CUL5: variants seen among roughly 807,000 people sequenced by gnomAD.
CUL5 encodes the protein cullin-5.
Under a neutral mutation model 108.8 loss-of-function variants are expected in CUL5, and 26 were observed. The ratio of observed to expected loss-of-function variants is 0.24; its 90% CI spans 0.18 to 0.33. CUL5 has a LOEUF of 0.33. Ranked by LOEUF, CUL5 falls within the 10% of genes least tolerant of loss-of-function variation. The pLI is 1.00. For missense variants in CUL5, 524 were observed against 909.2 expected (o/e 0.58, Z 5.45); for synonymous variants, 334 against 298.0 (o/e 1.12, Z -1.25).
intron 2 of CUL5, among the ~76,000 whole-genome samples, chr11:108,045,706 T>A (rs539915133): frequency 1.1e-4 from 17 of 151,246 alleles, no homozygotes; most frequent in Non-Finnish European, 1.8e-4. Context: ...CAACAAAATT[T>A]AAAAAAAAAT....
chr11:108,059,325 T>G (rs928577793), intron 7 of CUL5, among the ~76,000 whole-genome samples: 1 of 152,182 alleles, frequency 6.6e-6, no homozygotes, highest in Non-Finnish European at 1.5e-5. Context: ...GATAATAAGA[T>G]AGACCTAGTC....
intron 1 of CUL5, among the ~76,000 whole-genome samples, chr11:108,026,421 G>A (rs1402799823): frequency 1.3e-5 from 2 of 151,988 alleles, no homozygotes; most frequent in Non-Finnish European, 2.9e-5. Flanking sequence ...AGACATTGTC[G>A]TTATTTCCAC....
intron 1 of CUL5, among the ~76,000 whole-genome samples, chr11:108,014,762 A>G (rs1014198736): frequency 1.3e-5 from 2 of 152,196 alleles, no homozygotes; most frequent in Non-Finnish European, 2.9e-5. Flanking sequence ...CCCTTGTATA[A>G]TTTACATTTT....
At chr11:108,028,244 G>C (rs914912861) in intron 1 of CUL5, among the ~76,000 whole-genome samples, 3 of 152,112 alleles carry the variant, frequency 2.0e-5, no homozygotes, top group African/African-American at 7.2e-5. Context: ...TCCTTAATAA[G>C]CCTGTCAAAT....
In CUL5 at chr11:108,105,806, T is replaced by C. The variant is rs1286734628; in HGVS notation, c.*1422T>C. On this transcript the variant is annotated 3_prime_UTR_variant, in exon 19 of 19. Transcript: ENST00000393094. ...TATCTTATTTGATGTTAAGTAATAT[T>C]TTTAAAGTATGGTTTTTGAAGATAG... The C allele has an allele frequency of 1.3e-5, 2 of 152,182 alleles. No homozygotes were observed. The highest frequency in any genetic ancestry group is 2.9e-5 in the Non-Finnish European group (2 of 68,016). The allele number at this position is 152,182 out of a possible 1,614,324, so 9.4% of individuals were successfully genotyped here. A position where few individuals can be genotyped will look rare whatever the true frequency, so the allele number is the denominator to read the frequency against.
intron 2 of CUL5, among the ~76,000 whole-genome samples, chr11:108,035,517 G>A (rs1457970336): frequency 2.0e-5 from 3 of 151,656 alleles, no homozygotes; most frequent in Admixed American, 6.6e-5. Flanking sequence ...CAGGGTGATC[G>A]CTTGAGCCCA....
chr11:108,042,865 C>T lies in CUL5; in HGVS notation c.135-3405C>T, dbSNP rs145592882. ...GCAACCTCCGCTTCCAGGGTTCAAG[C>T]GATTCCCTTGCCTTAGCCTCTTGAG... On this transcript the variant is annotated intron_variant, in intron 2 of 18. Coordinates refer to ENST00000393094, the MANE Select transcript of CUL5 (RefSeq NM_003478.6). Among the ~76,000 whole-genome samples the T allele has an allele frequency of 2.6e-3, 388 of 151,590 alleles. 2 individuals are homozygous for T. Among genetic ancestry groups the T allele is most frequent in the Middle Eastern group, 0.024 (7 of 294 alleles).
intron 1 of CUL5, among the ~76,000 whole-genome samples, chr11:108,011,939 A>G (rs1862067202): frequency 6.6e-6 from 1 of 152,088 alleles, no homozygotes; most frequent in Non-Finnish European, 1.5e-5. Flanking sequence ...TTTCTTTTTT[A>G]ATATTGGAAT....
At chr11:108,082,791 C>T (rs1318468187) in intron 11 of CUL5, among the ~76,000 whole-genome samples, 1 of 149,098 alleles carries the variant, frequency 6.7e-6, no homozygotes, top group Non-Finnish European at 1.5e-5. Flanking sequence ...TACCACCATG[C>T]CCGGCTAATT....
intron 7 of CUL5, among the ~76,000 whole-genome samples, chr11:108,056,426 A>T (rs10890803): frequency 6.6e-6 from 1 of 151,906 alleles, no homozygotes; most frequent in Non-Finnish European, 1.5e-5. Flanking sequence ...CAGAAATCAC[A>T]CCGAGTTGGA....
chr11:108,054,179 T>C (rs1043677666), intron 5 of CUL5, among the ~76,000 whole-genome samples: 4 of 152,188 alleles, frequency 2.6e-5, no homozygotes, highest in African/African-American at 9.7e-5. Flanking sequence ...TTTTACTATG[T>C]TGCCCAGGGC....
chr11:108,021,328 T>TA (rs917553830), intron 1 of CUL5, among the ~76,000 whole-genome samples: 2 of 152,180 alleles, frequency 1.3e-5, no homozygotes, highest in Admixed American at 6.5e-5. Flanking sequence ...AGTAAGGTGA[T>TA]AAAAAAATTG....
chr11:108,083,420 A>G (rs115723216), intron 11 of CUL5, among the ~76,000 whole-genome samples: 1,661 of 152,314 alleles, frequency 0.011, 39 homozygotes, highest in African/African-American at 0.038. Context: ...AGAGTCCCAG[A>G]AGTGAGGATT....
At chr11:108,011,159 A>C (rs1490644342) in intron 1 of CUL5, among the ~76,000 whole-genome samples, 2 of 152,222 alleles carry the variant, frequency 1.3e-5, no homozygotes, top group African/African-American at 4.8e-5. Context: ...GATATAAAGC[A>C]AGGTCTTTTT....
intron 11 of CUL5, 55 bp downstream of exon 11, chr11:108,078,295 G>A: frequency 1.0e-6 from 1 of 974,944 alleles, no homozygotes; most frequent in Non-Finnish European, 1.6e-6. Flanking sequence ...TAGTGTAATA[G>A]GGGTTAACTA....
intron 11 of CUL5, chr11:108,084,843 T>C (rs558325898): frequency 6.6e-6 from 1 of 152,190 alleles, no homozygotes; most frequent in East Asian, 1.9e-4. Context: ...TATGGAAAAA[T>C]TGGAATCATA....
At position 108,031,199 on chromosome 11, in the gene CUL5, C is replaced by T. The variant is rs568064628; in HGVS notation, c.25-2603C>T. On this transcript the variant is annotated intron_variant, in intron 1 of 18. Coordinates refer to ENST00000393094, the MANE Select transcript of CUL5 (RefSeq NM_003478.6). ...CCTGGGCAACATGGCGAAACCCCGT[C>T]TCTACTGAAAATACAAAAATTAGCC... is the stretch of plus-strand genomic sequence containing the variant. Among the ~76,000 whole-genome samples, 8 of 152,142 alleles carry T rather than the reference C, an allele frequency of 5.3e-5. No individual in the cohort carries two copies. In the East Asian group the frequency reaches 1.5e-3, roughly 29 times the overall value.
intron 4 of CUL5, among the ~76,000 whole-genome samples, chr11:108,051,682 C>T (rs1008291224): frequency 2.6e-5 from 4 of 152,128 alleles, no homozygotes; most frequent in African/African-American, 9.7e-5. Context: ...AGTAGATTTG[C>T]AGACCTTTTA....
At chr11:108,044,507 CA>C (rs35135984) in intron 2 of CUL5, among the ~76,000 whole-genome samples, 87,453 of 144,574 alleles carry the variant, frequency 0.6, 26,984 homozygotes, top group East Asian at 0.89. Context: ...GACAGTGTCT[CA>C]AAAAAAAAAA....
Sources: allele counts gnomAD v4.1 joint callset (sites outside exome capture counted in the v4.1 genomes callset), GRCh38; gene constraint gnomAD v4.1.1; transcripts MANE v1.5; gene names NCBI Gene and HGNC (gene_info 2026-07-23, HGNC 2026-07-21).